The following DPYD variants were observed in gnomAD, a reference collection of about 807,000 sequenced individuals.
DPYD encodes the protein dihydropyrimidine dehydrogenase, also known as dihydropyrimidine dehydrogenase [NADP(+)].
DPYD carries 109 observed loss-of-function variants against 116.2 expected under a neutral mutation model. That is an observed-to-expected ratio of 0.94 (90% CI 0.80 to 1.10). The LOEUF is 1.10. Among genes scored for constraint, DPYD ranks in the 50% least tolerant of loss-of-function variants. DPYD has a pLI of 0.00. For synonymous variants in DPYD, 440 were observed against 432.0 expected (o/e 1.02, Z -0.23); for missense variants, 1,302 against 1,254.5 (o/e 1.04, Z -0.57).
In DPYD at chr1:97,838,859, A is replaced by T. The variant is rs187569806; in HGVS notation, c.151-10663T>A. Among the ~76,000 whole-genome samples, 1,084 of 150,978 alleles carry T rather than the reference A, an allele frequency of 7.2e-3. 15 individuals are homozygous for T. Among genetic ancestry groups the T allele is most frequent in the African/African-American group, 0.022 (920 of 41,178 alleles). Reference sequence around the variant, plus strand: ...AGAGCGAGACTCCGTCTCAAAAAAAAAAATAAATAAAAAAATAAAAGAACT... The same window carrying T: ...AGAGCGAGACTCCGTCTCAAAAAAATAAATAAATAAAAAAATAAAAGAACT... On this transcript the variant is annotated intron_variant, in intron 2 of 22. Coordinates refer to ENST00000370192, the MANE Select transcript of DPYD (RefSeq NM_000110.4).
intron 10 of DPYD, among the ~76,000 whole-genome samples, chr1:97,577,813 TTTG>T (rs1467770105): frequency 1.3e-5 from 2 of 152,030 alleles, no homozygotes; most frequent in East Asian, 1.9e-4. Flanking sequence ...TCTTATTATT[TTTG>T]TTATTTTTTA....
intron 2 of DPYD, among the ~76,000 whole-genome samples, chr1:97,833,375 T>C (rs1669623672): frequency 6.6e-6 from 1 of 152,158 alleles, no homozygotes; most frequent in Admixed American, 6.5e-5. Flanking sequence ...CTTGCTCACA[T>C]GTAGTAAGAA....
intron 8 of DPYD, among the ~76,000 whole-genome samples, chr1:97,612,165 T>C (rs1261335450): frequency 6.6e-6 from 1 of 152,020 alleles, no homozygotes; most frequent in Non-Finnish European, 1.5e-5. Context: ...AATATGGTGT[T>C]GCATTTTTAA....
At chr1:97,832,045 T>G (rs911867502) in intron 2 of DPYD, among the ~76,000 whole-genome samples, 2 of 133,950 alleles carry the variant, frequency 1.5e-5, no homozygotes, top group African/African-American at 5.5e-5. Context: ...ATATAATGTA[T>G]TGTGTGTGTG....
chr1:97,087,633 T>C (rs975964153), intron 21 of DPYD, among the ~76,000 whole-genome samples: 1 of 152,192 alleles, frequency 6.6e-6, no homozygotes, highest in Non-Finnish European at 1.5e-5. Flanking sequence ...TACCTGTCTG[T>C]GGCCCTGATC....
chr1:97,369,023 G>A (rs1671181747), intron 16 of DPYD, among the ~76,000 whole-genome samples: 1 of 152,108 alleles, frequency 6.6e-6, no homozygotes, highest in South Asian at 2.1e-4. Context: ...AGCCTGAACT[G>A]GGTAAGAAGG....
At chr1:97,193,390 T>C in intron 19 of DPYD, 142 bp from the exon 20 acceptor site, 1 of 821,046 alleles carries the variant, frequency 1.2e-6, no homozygotes, top group Non-Finnish European at 2.0e-6. Context: ...CGTCTGGAGA[T>C]GGGGGTGGTG....
intron 2 of DPYD, among the ~76,000 whole-genome samples, chr1:97,852,350 A>G (rs1335894705): frequency 5.3e-5 from 8 of 152,254 alleles, no homozygotes. Context: ...TATTACTAAT[A>G]TTAGTATATA....
intron 13 of DPYD, among the ~76,000 whole-genome samples, chr1:97,512,081 A>G (rs1233139244): frequency 6.6e-6 from 1 of 151,938 alleles, no homozygotes; most frequent in Non-Finnish European, 1.5e-5. Flanking sequence ...TGGGAAAAAA[A>G]TAAACTCGAT....
chr1:97,591,970 G>A (rs1444383694), intron 10 of DPYD, among the ~76,000 whole-genome samples: 1 of 151,946 alleles, frequency 6.6e-6, no homozygotes, highest in Non-Finnish European at 1.5e-5. Flanking sequence ...TAGATTGGAT[G>A]GAGAAAAGTC....
intron 19 of DPYD, among the ~76,000 whole-genome samples, chr1:97,232,453 T>C (rs1320722997): frequency 1.3e-5 from 2 of 152,186 alleles, no homozygotes; most frequent in Non-Finnish European, 2.9e-5. Context: ...TTTGCAAAAA[T>C]TGGAATATTT....
chr1:97,546,255 T>C (rs968856984), intron 12 of DPYD: 29 of 1,484,166 alleles, frequency 2.0e-5, no homozygotes, highest in Non-Finnish European at 2.8e-6. Flanking sequence ...AACTGCTAAA[T>C]CAAAAAAAAA....
At chr1:97,884,676 G>A (rs1270225627) in intron 1 of DPYD, among the ~76,000 whole-genome samples, 1 of 151,924 alleles carries the variant, frequency 6.6e-6, no homozygotes, top group East Asian at 1.9e-4. Context: ...TTCTGTTTCA[G>A]ATCACTGAAA....
intron 2 of DPYD, among the ~76,000 whole-genome samples, chr1:97,839,950 T>C (rs1336132292): frequency 6.6e-6 from 1 of 152,212 alleles, no homozygotes; most frequent in African/African-American, 2.4e-5. Context: ...TTCATGTGTT[T>C]ATCGGCTATT....
chr1:97,337,084 GA>G (rs1669331270), intron 16 of DPYD, among the ~76,000 whole-genome samples: 1 of 152,136 alleles, frequency 6.6e-6, no homozygotes, highest in Admixed American at 6.5e-5. Context: ...TGAATGACCA[GA>G]AAGGAAGGAA....
At position 97,555,604 on chromosome 1, in the gene DPYD, C is replaced by T. The variant is rs972487880; in HGVS notation, c.1340-5860G>A. On this transcript the variant is annotated intron_variant, in intron 11 of 22. Transcript: ENST00000370192. Reference sequence around the variant, plus strand: ...TATAGACTTGACTCCTTTCTCTTGCCCCCACTGTCAGGAGAAGGCCTTGTC... The same window carrying T: ...TATAGACTTGACTCCTTTCTCTTGCTCCCACTGTCAGGAGAAGGCCTTGTC... Among the ~76,000 whole-genome samples the T allele has an allele frequency of 3.3e-5, 5 of 152,076 alleles. No individual in the cohort carries two copies. The East Asian group carries it at 5.8e-4, about 18-fold the overall frequency.
At chr1:97,539,839 A>G (rs1225728288) in intron 12 of DPYD, among the ~76,000 whole-genome samples, 1 of 152,094 alleles carries the variant, frequency 6.6e-6, no homozygotes, top group Non-Finnish European at 1.5e-5. Flanking sequence ...TCTATCTCCA[A>G]GTTTTTTCTC....
At chr1:97,734,080 G>C (rs1410852604) in intron 4 of DPYD, among the ~76,000 whole-genome samples, 2 of 152,076 alleles carry the variant, frequency 1.3e-5, no homozygotes, top group Non-Finnish European at 2.9e-5. Flanking sequence ...TTGGTTTCAA[G>C]TGTGGTTAGT....
chr1:97,915,367 G>T (rs773875664), intron 1 of DPYD, among the ~76,000 whole-genome samples: 2 of 152,058 alleles, frequency 1.3e-5, no homozygotes, highest in African/African-American at 2.4e-5. Context: ...ATGTATTCAT[G>T]GTGAACTGGC....
Sources: gnomAD v4.1 joint callset for allele counts (sites outside exome capture counted in the v4.1 genomes callset) on GRCh38, gnomAD v4.1.1 for gene constraint, MANE v1.5 for transcripts, NCBI Gene and HGNC (gene_info 2026-07-23, HGNC 2026-07-21) for gene names.